The following CCDC175 variants were observed in gnomAD, a reference collection of about 807,000 sequenced individuals.
CCDC175 encodes the protein coiled-coil domain-containing protein 175.
A neutral mutation model predicts 114.6 loss-of-function variants in CCDC175; 100 were observed. That is an observed-to-expected ratio of 0.87 (90% confidence interval 0.74 to 1.03). The LOEUF (loss-of-function observed/expected upper bound fraction) is 1.03, where lower values mean the gene tolerates loss of function less well. Among genes scored for constraint, CCDC175 ranks in the 50% least tolerant of loss-of-function variants. The pLI, the probability that CCDC175 is intolerant of heterozygous loss-of-function variation, is 0.00. For synonymous variants in CCDC175, 306 were observed against 308.7 expected (o/e 0.99, Z 0.09); for missense variants, 880 against 917.8 (o/e 0.96, Z 0.53).
chr14:59,532,952 T>G (rs900222776), intron 13 of CCDC175, among the ~76,000 whole-genome samples: 6 of 152,244 alleles, frequency 3.9e-5, no homozygotes, highest in African/African-American at 1.4e-4. Context: ...AGTTTTGGTT[T>G]TCATTTTTAT....
chr14:59,555,014 C>A (rs1207873797), intron 7 of CCDC175, among the ~76,000 whole-genome samples: 1 of 152,194 alleles, frequency 6.6e-6, no homozygotes, highest in Non-Finnish European at 1.5e-5. Flanking sequence ...CAGACGGATT[C>A]ACAGCAGAAT....
At chr14:59,550,572 G>T (rs1895404756) in intron 8 of CCDC175, among the ~76,000 whole-genome samples, 1 of 152,046 alleles carries the variant, frequency 6.6e-6, no homozygotes, top group South Asian at 2.1e-4. Flanking sequence ...TATACATAAA[G>T]GGGAGTTTAT....
chr14:59,511,668 A>G (rs1892759125), intron 18 of CCDC175, 92 bp downstream of exon 18: 2 of 1,060,000 alleles, frequency 1.9e-6, no homozygotes, highest in Non-Finnish European at 2.8e-6. Context: ...GCAGGTGCAC[A>G]CAGACACAAA....
Position 59,527,119 on chromosome 14 carries a change from G to T in CCDC175, c.1818C>A (p.Asp606Glu). 6.7e-7 allele frequency: 1 copy of T among 1,484,736 alleles called. No individual in the cohort carries two copies. The highest frequency in any genetic ancestry group is 8.9e-7 in the Non-Finnish European group (1 of 1,120,646). The allele number at this position is 1,484,736 out of a possible 1,614,324, so 92.0% of individuals were successfully genotyped here. A position where few individuals can be genotyped will look rare whatever the true frequency, so the allele number is the denominator to read the frequency against. Reference protein sequence around the residue: ...LNNHIFLFTRDFSRYISNMED... With the variant: ...LNNHIFLFTREFSRYISNMED... Reference sequence around the variant, plus strand: ...CCATGTTGCTAATGTATCTTGAAAAGTCCCTTGTAAACAGAAAAATGTGAT... The same window carrying T: ...CCATGTTGCTAATGTATCTTGAAAATTCCCTTGTAAACAGAAAAATGTGAT... The change falls in exon 15 of 20, where the codon GAC (aspartate) becomes GAA (glutamate). Residue 606 changes from aspartate (D) to glutamate (E), a missense_variant. Physicochemically the swap from Asp to Glu is conservative, Grantham distance 45 (BLOSUM62 2). Coordinates refer to ENST00000537690, the MANE Select transcript of CCDC175 (RefSeq NM_001164399.2).
chr14:59,557,968 A>G (rs1896013904), intron 7 of CCDC175, among the ~76,000 whole-genome samples: 1 of 152,166 alleles, frequency 6.6e-6, no homozygotes, highest in South Asian at 2.1e-4. Flanking sequence ...AGTGCTCCAA[A>G]GAACGCAAAG....
At chr14:59,539,209 G>A (rs990921054) in intron 11 of CCDC175, among the ~76,000 whole-genome samples, 1 of 152,202 alleles carries the variant, frequency 6.6e-6, no homozygotes, top group Non-Finnish European at 1.5e-5. Flanking sequence ...GCTACTGATA[G>A]ATTTCAAACT....
At chr14:59,560,715 T>C (rs916164186) in intron 7 of CCDC175, among the ~76,000 whole-genome samples, 3 of 152,172 alleles carry the variant, frequency 2.0e-5, no homozygotes, top group Admixed American at 1.3e-4. Flanking sequence ...CTTCCCTGTA[T>C]TTTCTTAGGA....
chr14:59,531,528 G>A (rs1416421300), intron 14 of CCDC175, among the ~76,000 whole-genome samples: 2 of 152,122 alleles, frequency 1.3e-5, no homozygotes, highest in Non-Finnish European at 2.9e-5. Context: ...ATATGGTAAA[G>A]GACTAAGTCT....
At chr14:59,562,722 C>T (rs1460645556) in intron 6 of CCDC175, among the ~76,000 whole-genome samples, 2 of 152,122 alleles carry the variant, frequency 1.3e-5, no homozygotes. Flanking sequence ...TTTTCCCAAG[C>T]TAGTTGGTGG....
chr14:59,528,281 C>A (rs1041354315), intron 14 of CCDC175, among the ~76,000 whole-genome samples: 2 of 152,090 alleles, frequency 1.3e-5, no homozygotes, highest in African/African-American at 4.8e-5. Flanking sequence ...AGGATCCTCT[C>A]TTTCCATTTT....
chr14:59,575,768 C>G (rs1362228234), intron 1 of CCDC175, among the ~76,000 whole-genome samples: 1 of 152,204 alleles, frequency 6.6e-6, no homozygotes, highest in Non-Finnish European at 1.5e-5. Flanking sequence ...CTCGGCCTCC[C>G]AAAGTGCTGG....
chr14:59,525,606 A>T (rs1261566000), intron 15 of CCDC175, among the ~76,000 whole-genome samples, 172 bp from the exon 16 acceptor site: 4 of 152,214 alleles, frequency 2.6e-5, no homozygotes, highest in Non-Finnish European at 2.9e-5. Flanking sequence ...TTATTCATGG[A>T]CTCTAGGAAG....
At chr14:59,561,696 GA>G (rs1226646887) in intron 6 of CCDC175, among the ~76,000 whole-genome samples, 13 of 152,228 alleles carry the variant, frequency 8.5e-5, no homozygotes, top group Middle Eastern at 3.4e-3. Flanking sequence ...CAAAATTTAG[GA>G]AATGGAATAA....
rs144554329 is a variant in CCDC175, at chr14:59,565,445, C to A, written c.492-170G>T. 7.8e-4 allele frequency among the ~76,000 whole-genome samples: 119 copies of A among 152,292 alleles called. 1 individual carries two copies. Among genetic ancestry groups the A allele is most frequent in the Admixed American group, 1.9e-3 (29 of 15,298 alleles). On this transcript the variant is annotated intron_variant, in intron 4 of 19. Transcript: ENST00000537690. ...GAAGGCCAGGTGCAGTGGCTCATGCCTGTAATCCTAGCACTTTGGGAGGCC... is the reference window on the plus strand; with the variant it reads ...GAAGGCCAGGTGCAGTGGCTCATGCATGTAATCCTAGCACTTTGGGAGGCC...
At chr14:59,537,235 G>T (rs774919055) in intron 13 of CCDC175, among the ~76,000 whole-genome samples, 4 of 152,124 alleles carry the variant, frequency 2.6e-5, no homozygotes, top group Non-Finnish European at 5.9e-5. Context: ...TTAATAGAAA[G>T]AACTGGCTGT....
intron 14 of CCDC175, among the ~76,000 whole-genome samples, chr14:59,529,585 T>C (rs1447207763): frequency 6.6e-6 from 1 of 152,184 alleles, no homozygotes; most frequent in Admixed American, 6.6e-5. Flanking sequence ...TTTTGGTGTT[T>C]ATATTTCTCT....
At chr14:59,538,603 A>T in intron 12 of CCDC175, 102 bp downstream of exon 12, 1 of 1,010,884 alleles carries the variant, frequency 9.9e-7, no homozygotes, top group Non-Finnish European at 1.4e-6. Context: ...ATCAGCAGAA[A>T]GGAAAATACT....
At chr14:59,516,703 G>C (rs1034973057) in intron 17 of CCDC175, among the ~76,000 whole-genome samples, 1 of 152,142 alleles carries the variant, frequency 6.6e-6, no homozygotes, top group Non-Finnish European at 1.5e-5. Context: ...AAAAAGTCCA[G>C]GACCAGATGG....
chr14:59,559,596 T>G (rs1277694097), intron 7 of CCDC175, among the ~76,000 whole-genome samples: 2 of 152,134 alleles, frequency 1.3e-5, no homozygotes, highest in Non-Finnish European at 2.9e-5. Flanking sequence ...AGAAATCTTA[T>G]AAAACAGCAC....
Sources: gnomAD v4.1 joint callset for allele counts (sites outside exome capture counted in the v4.1 genomes callset) on GRCh38, gnomAD v4.1.1 for gene constraint, MANE v1.5 for transcripts, NCBI Gene and HGNC (gene_info 2026-07-23, HGNC 2026-07-21) for gene names.